The following SMURF2 variants were observed in gnomAD, a reference collection of about 807,000 sequenced individuals.
The protein encoded by SMURF2 is SMAD specific E3 ubiquitin protein ligase 2.
In SMURF2, 48 loss-of-function variants were observed where a neutral mutation model predicts 109.6. That is an observed-to-expected ratio of 0.44 (90% CI 0.35 to 0.56). The LOEUF (loss-of-function observed/expected upper bound fraction) is 0.56. SMURF2 is among the 20% of genes least tolerant of loss of function. The probability of loss-of-function intolerance (pLI) is 0.01; values close to 1 mark genes in which losing one functional copy is unlikely to be tolerated. For missense variants in SMURF2, 575 were observed against 909.0 expected (o/e 0.63, Z 4.72); for synonymous variants, 288 against 317.1 (o/e 0.91, Z 0.97).
At chr17:64,627,799 A>G (rs1286477466) in intron 1 of SMURF2, among the ~76,000 whole-genome samples, 2 of 152,194 alleles carry the variant, frequency 1.3e-5, no homozygotes, top group African/African-American at 4.8e-5. Context: ...ACAAACCCAG[A>G]TATCACCACC....
chr17:64,568,390 T>C (rs1175025934), intron 10 of SMURF2, among the ~76,000 whole-genome samples: 1 of 152,138 alleles, frequency 6.6e-6, no homozygotes, highest in Non-Finnish European at 1.5e-5. Flanking sequence ...AAGCTTGACC[T>C]AAAGGGATGA....
chr17:64,660,468 C>G (rs528743509), intron 1 of SMURF2, among the ~76,000 whole-genome samples: 1 of 152,296 alleles, frequency 6.6e-6, no homozygotes, highest in East Asian at 1.9e-4. Context: ...TGATTCCCTG[C>G]AATTTTCCCT....
chr17:64,579,023 C>A lies in SMURF2; in HGVS notation c.773-447G>T, dbSNP rs1378046696. Among the ~76,000 whole-genome samples, 4 of 152,232 alleles carry A rather than the reference C, an allele frequency of 2.6e-5. No individual in the cohort carries two copies. The East Asian group carries it at 7.7e-4, about 29-fold the overall frequency. On this transcript the variant is annotated intron_variant, in intron 8 of 18. Transcript: ENST00000262435. ...TACCAAAACTTATGTTTTCTCTTTGCTAGACAAAGGTATATTCTCAAGATT... is the reference window on the plus strand; with the variant it reads ...TACCAAAACTTATGTTTTCTCTTTGATAGACAAAGGTATATTCTCAAGATT...
intron 13 of SMURF2, among the ~76,000 whole-genome samples, 185 bp from the exon 14 acceptor site, chr17:64,556,183 T>C (rs1555684026): frequency 6.6e-6 from 1 of 152,158 alleles, no homozygotes; most frequent in African/African-American, 2.4e-5. Flanking sequence ...GAGAACAGCA[T>C]ATTACACAGG....
chr17:64,619,782 T>A (rs1228011256), intron 1 of SMURF2, among the ~76,000 whole-genome samples: 8 of 152,030 alleles, frequency 5.3e-5, no homozygotes, highest in Non-Finnish European at 1.2e-4. Context: ...CATGACCTCA[T>A]TACCTCCCAA....
intron 5 of SMURF2, among the ~76,000 whole-genome samples, chr17:64,588,665 G>A (rs1161076611): frequency 6.6e-6 from 1 of 151,640 alleles, no homozygotes; most frequent in Non-Finnish European, 1.5e-5. Flanking sequence ...TGTTGCCCAG[G>A]CTGGAGTGCA....
intron 1 of SMURF2, among the ~76,000 whole-genome samples, chr17:64,654,920 T>C (rs1970686006): frequency 1.3e-5 from 2 of 151,358 alleles, no homozygotes; most frequent in Non-Finnish European, 3.0e-5. Context: ...CAAGTGATCC[T>C]CCCATCTTGG....
Position 64,546,315 on chromosome 17 carries a change from TAA to T in SMURF2, c.2093_2094del (p.Phe698TyrfsTer6). The stretch of plus-strand genomic sequence containing the variant: ...GTGCAGGCATCAATCTGGTGTATGG[TAA>T]AGAGTCTCGGGCCTGCAGCACCTGC... Reference protein sequence around the residue: ...ALQGAAGPRLFTIHQIDACTN... With the variant: ...ALQGAAGPRLXTIHQIDACTN... On this transcript the variant is annotated frameshift_variant, in exon 18 of 19. Coordinates refer to ENST00000262435, the MANE Select transcript of SMURF2 (RefSeq NM_022739.4). LOFTEE classifies it high-confidence loss of function. 6.2e-7 allele frequency: 1 copy of T among 1,613,972 alleles called. No individual in the cohort carries two copies.
chr17:64,558,088 A>G (rs1407531274), intron 12 of SMURF2, among the ~76,000 whole-genome samples: 1 of 152,208 alleles, frequency 6.6e-6, no homozygotes, highest in Non-Finnish European at 1.5e-5. Context: ...AAAAGGAAGA[A>G]TATGGTTTTA....
At chr17:64,584,445 G>A (rs868915811) in intron 6 of SMURF2, among the ~76,000 whole-genome samples, 10 of 138,380 alleles carry the variant, frequency 7.2e-5, no homozygotes, top group Middle Eastern at 3.7e-3. Flanking sequence ...TGCAACCTAC[G>A]CCTCCCGGGT....
At chr17:64,658,733 A>G (rs550173009) in intron 1 of SMURF2, among the ~76,000 whole-genome samples, 3 of 152,360 alleles carry the variant, frequency 2.0e-5, no homozygotes, top group Non-Finnish European at 4.4e-5. Context: ...ATGGTATAAA[A>G]AATTATCCCA....
At position 64,543,784 on chromosome 17, in the gene SMURF2, C is replaced by T. The variant is rs190148065; in HGVS notation, c.*2064G>A. ...AAAGTAGGCACAATTATAAACTGCA[C>T]TAGTGCTTTAATATAAAAGAGAGAT... is the stretch of plus-strand genomic sequence containing the variant. On this transcript the variant is annotated 3_prime_UTR_variant, in exon 19 of 19. Coordinates refer to ENST00000262435, the MANE Select transcript of SMURF2 (RefSeq NM_022739.4). 1.3e-5 allele frequency: 2 copies of T among 152,232 alleles called. No individual in the cohort carries two copies. Among genetic ancestry groups the T allele is most frequent in the East Asian group, 1.9e-4 (1 of 5,178 alleles). 9.4% of individuals were successfully genotyped at this position (152,232 alleles called of 1,614,324 possible).
intron 8 of SMURF2, among the ~76,000 whole-genome samples, chr17:64,579,567 A>G (rs1969551639): frequency 6.6e-6 from 1 of 152,220 alleles, no homozygotes; most frequent in Non-Finnish European, 1.5e-5. Flanking sequence ...TTGTAGAAGT[A>G]TAACCACTCC....
chr17:64,631,853 G>C (rs1970352048), intron 1 of SMURF2, among the ~76,000 whole-genome samples: 1 of 150,050 alleles, frequency 6.7e-6, no homozygotes, highest in Non-Finnish European at 1.5e-5. Flanking sequence ...ACACCAGACA[G>C]GATCAGCAAC....
chr17:64,588,208 G>T (rs1969693070), intron 5 of SMURF2, among the ~76,000 whole-genome samples: 1 of 150,630 alleles, frequency 6.6e-6, no homozygotes, highest in Non-Finnish European at 1.5e-5. Context: ...TAACAATAAC[G>T]ATACATTAGA....
chr17:64,587,620 G>A (rs528907168), intron 5 of SMURF2, among the ~76,000 whole-genome samples: 229 of 152,236 alleles, frequency 1.5e-3, no homozygotes, highest in African/African-American at 5.4e-3. Context: ...TTCATTCAAA[G>A]AAGGGTCTCA....
chr17:64,556,807 CTATT>C (rs1462348612), intron 13 of SMURF2, among the ~76,000 whole-genome samples: 1 of 152,192 alleles, frequency 6.6e-6, no homozygotes, highest in Non-Finnish European at 1.5e-5. Context: ...TTTTACCTCT[CTATT>C]TACTAAGTAA....
At chr17:64,637,641 G>GT (rs1424796674) in intron 1 of SMURF2, among the ~76,000 whole-genome samples, 1 of 150,874 alleles carries the variant, frequency 6.6e-6, no homozygotes. Context: ...TTGGCTCACT[G>GT]TAACTGCTGC....
chr17:64,554,194 C>T (rs1317385636), intron 15 of SMURF2, among the ~76,000 whole-genome samples: 1 of 152,196 alleles, frequency 6.6e-6, no homozygotes, highest in African/African-American at 2.4e-5. Context: ...CCACATGTGG[C>T]CCCAGTGCCC....
Sources: gnomAD v4.1 joint callset for allele counts (sites outside exome capture counted in the v4.1 genomes callset) on GRCh38, gnomAD v4.1.1 for gene constraint, MANE v1.5 for transcripts, NCBI Gene and HGNC (gene_info 2026-07-23, HGNC 2026-07-21) for gene names.